Variants in MAGI2 observed in about 807,000 individuals in gnomAD.
The protein encoded by MAGI2 is membrane-associated guanylate kinase, WW and PDZ domain-containing protein 2.
MAGI2 carries 35 observed loss-of-function variants against 133.3 expected under a neutral mutation model. The ratio of observed to expected loss-of-function variants is 0.26; its 90% CI spans 0.20 to 0.35. MAGI2 has a LOEUF of 0.35. Ranked by LOEUF, MAGI2 falls within the 10% of genes least tolerant of loss-of-function variation. The pLI is 1.00. For missense variants in MAGI2, 1,636 were observed against 1,863.4 expected, an observed-to-expected ratio of 0.88 and a Z score of 2.25; for synonymous variants, 729 against 710.6, an observed-to-expected ratio of 1.03 and a Z score of -0.41.
rs1811097371 is a variant in MAGI2, at chr7:79,036,043, C to T, written c.302-28837G>A. 3.3e-5 allele frequency among the ~76,000 whole-genome samples: 5 copies of T among 152,150 alleles called. No individual in the cohort carries two copies. In the South Asian group the frequency reaches 1.0e-3, roughly 32 times the overall value. ...AGCACTCACAGGAAGAAGTGCCCAT[C>T]AGAAATGTGAGGAGTCAGCAAATAA... On this transcript the variant is annotated intron_variant, in intron 1 of 21. Coordinates refer to ENST00000354212, the MANE Select transcript of MAGI2 (RefSeq NM_012301.4).
intron 1 of MAGI2, among the ~76,000 whole-genome samples, chr7:79,439,681 A>G (rs1183825269): frequency 1.3e-5 from 2 of 152,162 alleles, no homozygotes; most frequent in Non-Finnish European, 2.9e-5. Flanking sequence ...ATGAATAATT[A>G]TTTATTCAAT....
chr7:78,574,040 A>G (rs566965254), intron 3 of MAGI2, among the ~76,000 whole-genome samples: 14 of 152,302 alleles, frequency 9.2e-5, no homozygotes, highest in African/African-American at 3.4e-4. Flanking sequence ...TCCAAAGAAT[A>G]ATCATCTAAC....
At chr7:78,954,244 TTCAGCAATAAGTTTTTA>T (rs1456426499) in intron 2 of MAGI2, among the ~76,000 whole-genome samples, 2 of 152,120 alleles carry the variant, frequency 1.3e-5, no homozygotes, top group African/African-American at 2.4e-5. Context: ...AGAACCCCTT[TTCAGCAATAAGTTTTTA>T]TCCATTTGGC....
chr7:78,913,140 A>G (rs1798541804), intron 2 of MAGI2, among the ~76,000 whole-genome samples: 1 of 152,076 alleles, frequency 6.6e-6, no homozygotes, highest in Non-Finnish European at 1.5e-5. Context: ...CATTTTGAAT[A>G]TTAGCTAGAA....
intron 15 of MAGI2, 142 bp downstream of exon 15, chr7:78,167,774 A>T: frequency 1.3e-6 from 1 of 748,858 alleles, no homozygotes; most frequent in Non-Finnish European, 2.1e-6. Flanking sequence ...AATCATCATT[A>T]CTTTTGGAAT....
intron 2 of MAGI2, among the ~76,000 whole-genome samples, chr7:78,679,414 T>C (rs979306896): frequency 4.6e-5 from 7 of 152,110 alleles, no homozygotes; most frequent in Admixed American, 4.6e-4. Context: ...CATATCACGG[T>C]TTTAGCAAAT....
chr7:78,998,989 A>G, intron 2 of MAGI2, among the ~76,000 whole-genome samples: 1 of 152,138 alleles, frequency 6.6e-6, no homozygotes, highest in Non-Finnish European at 1.5e-5. Context: ...TTTTCCATCA[A>G]AACTGTTGAC....
At chr7:78,333,130 C>G (rs1357525108) in intron 9 of MAGI2, among the ~76,000 whole-genome samples, 3 of 152,192 alleles carry the variant, frequency 2.0e-5, no homozygotes, top group Non-Finnish European at 4.4e-5. Context: ...CCTATAACCA[C>G]TTCCTTTATT....
chr7:79,025,759 G>C (rs1809822034), intron 1 of MAGI2, among the ~76,000 whole-genome samples: 1 of 152,198 alleles, frequency 6.6e-6, no homozygotes. Context: ...TGGAAACTGA[G>C]TTGGAGAGAC....
intron 16 of MAGI2, among the ~76,000 whole-genome samples, chr7:78,139,967 T>C (rs1822576835): frequency 2.0e-5 from 3 of 152,234 alleles, no homozygotes; most frequent in Non-Finnish European, 4.4e-5. Flanking sequence ...TATTCAGAGA[T>C]AATCAGTTGG....
intron 9 of MAGI2, among the ~76,000 whole-genome samples, chr7:78,295,671 T>C (rs766049120): frequency 1.8e-4 from 27 of 152,184 alleles, no homozygotes; most frequent in Admixed American, 1.7e-3. Context: ...TCTTTGTTCA[T>C]ACTTTTAGTC....
At chr7:79,015,984 G>A (rs538062660) in intron 1 of MAGI2, among the ~76,000 whole-genome samples, 1 of 129,778 alleles carries the variant, frequency 7.7e-6, no homozygotes, top group Non-Finnish European at 1.6e-5. Flanking sequence ...AGCCCTCAAT[G>A]ACTCCTGGAG....
intron 1 of MAGI2, among the ~76,000 whole-genome samples, chr7:79,259,209 T>C (rs1175942390): frequency 6.6e-6 from 1 of 152,204 alleles, no homozygotes; most frequent in African/African-American, 2.4e-5. Context: ...TGATTAAACT[T>C]CTGTCCCTTA....
At chr7:78,315,692 A>G (rs1229953199) in intron 9 of MAGI2, among the ~76,000 whole-genome samples, 1 of 152,210 alleles carries the variant, frequency 6.6e-6, no homozygotes. Flanking sequence ...TAAGAATTAA[A>G]TGTATAGTAA....
intron 2 of MAGI2, among the ~76,000 whole-genome samples, chr7:78,960,944 C>G (rs1310932263): frequency 6.6e-6 from 1 of 152,090 alleles, no homozygotes; most frequent in East Asian, 1.9e-4. Flanking sequence ...CTTTTCAAAG[C>G]TCTCCTAAGT....
chr7:78,377,405 G>C (rs1794539392), intron 6 of MAGI2, among the ~76,000 whole-genome samples: 1 of 151,876 alleles, frequency 6.6e-6, no homozygotes, highest in African/African-American at 2.4e-5. Context: ...CCCGAGTGAA[G>C]AAATGTTTCT....
chr7:78,605,400 T>C (rs528877607), intron 3 of MAGI2, among the ~76,000 whole-genome samples: 1 of 152,324 alleles, frequency 6.6e-6, no homozygotes, highest in African/African-American at 2.4e-5. Flanking sequence ...AAATGACCTC[T>C]TAAAGAGAAA....
intron 1 of MAGI2, among the ~76,000 whole-genome samples, chr7:79,424,369 T>C (rs1490850897): frequency 1.3e-5 from 2 of 152,000 alleles, no homozygotes; most frequent in African/African-American, 2.4e-5. Context: ...GTTATTTTCA[T>C]AGAAGCAGAG....
chr7:79,286,664 A>C (rs1836026383), intron 1 of MAGI2, among the ~76,000 whole-genome samples: 1 of 152,102 alleles, frequency 6.6e-6, no homozygotes, highest in African/African-American at 2.4e-5. Context: ...TCTAAGAATT[A>C]AACTGAACCT....
Sources: allele counts gnomAD v4.1 joint callset (sites outside exome capture counted in the v4.1 genomes callset), GRCh38; gene constraint gnomAD v4.1.1; transcripts MANE v1.5; gene names NCBI Gene and HGNC (gene_info 2026-07-23, HGNC 2026-07-21).